The following RPS6KB1 variants were observed in gnomAD, a reference collection of about 807,000 sequenced individuals.
RPS6KB1 encodes the protein ribosomal protein S6 kinase B1, also known as ribosomal protein S6 kinase beta-1.
A neutral mutation model predicts 70.2 loss-of-function variants in RPS6KB1; 12 were observed. The ratio of observed to expected loss-of-function variants is 0.17; its 90% CI spans 0.11 to 0.28. RPS6KB1 has a LOEUF of 0.28. RPS6KB1 is among the 10% of genes least tolerant of loss of function. The pLI, the probability that RPS6KB1 is intolerant of heterozygous loss-of-function variation, is 1.00. For synonymous variants in RPS6KB1, 175 were observed against 211.2 expected, an observed-to-expected ratio of 0.83 and a Z score of 1.49; for missense variants, 270 against 646.6, an observed-to-expected ratio of 0.42 and a Z score of 6.32.
rs991204017 is a variant in RPS6KB1, at chr17:59,893,364, C to A, written c.141+39C>A. ...TCCCCGGGGGCCCGAGGTGACAGGG[C>A]CGGGGCGGCGGCGCGGGCTCAGGAA... On this transcript the variant is annotated intron_variant, in intron 1 of 14. Coordinates refer to ENST00000225577, the MANE Select transcript of RPS6KB1 (RefSeq NM_003161.4). The surrounding 1 kb of genome is among the most constrained non-coding windows in gnomAD (Gnocchi z 4.1). The A allele has an allele frequency of 4.5e-6, 7 of 1,566,288 alleles. No individual in the cohort carries two copies. Among genetic ancestry groups the A allele is most frequent in the African/African-American group, 1.4e-5 (1 of 73,776 alleles).
chr17:59,915,059 G>T (rs2042862611), intron 4 of RPS6KB1, among the ~76,000 whole-genome samples: 1 of 151,832 alleles, frequency 6.6e-6, no homozygotes, highest in Admixed American at 6.6e-5. Context: ...TGCGATGTCG[G>T]CTCACTGCAA....
chr17:59,910,206 A>AG (rs917335076), intron 1 of RPS6KB1, among the ~76,000 whole-genome samples: 1 of 151,790 alleles, frequency 6.6e-6, no homozygotes, highest in African/African-American at 2.4e-5. Context: ...AAAAAAAAAA[A>AG]AAACCCGGGT....
chr17:59,894,419 T>G (rs545892635), intron 1 of RPS6KB1, among the ~76,000 whole-genome samples: 12 of 152,286 alleles, frequency 7.9e-5, no homozygotes, highest in Admixed American at 7.2e-4. Flanking sequence ...TCTAGTTGAA[T>G]ACATGGGTTA....
At chr17:59,943,609 T>C (rs1332526149) in intron 13 of RPS6KB1, among the ~76,000 whole-genome samples, 1 of 152,056 alleles carries the variant, frequency 6.6e-6, no homozygotes, top group East Asian at 1.9e-4. Flanking sequence ...TCAGGTGCAG[T>C]GGCTCACGCC....
intron 13 of RPS6KB1, 51 bp from the exon 14 acceptor site, chr17:59,945,355 T>G: frequency 1.7e-3 from 1,619 of 926,330 alleles, no homozygotes; most frequent in Non-Finnish European, 2.6e-3. Flanking sequence ...CCCATTCTCT[T>G]GAGATACATG....
At chr17:59,939,193 G>GT (rs939771754) in intron 12 of RPS6KB1, among the ~76,000 whole-genome samples, 1 of 151,892 alleles carries the variant, frequency 6.6e-6, no homozygotes, top group Non-Finnish European at 1.5e-5. Context: ...GTGTGTGTGT[G>GT]TTTTTTTCTT....
In RPS6KB1 at chr17:59,934,565, G is replaced by C. The variant is rs1426249687; in HGVS notation, c.870+41G>C. 2 of 1,461,484 alleles carry C rather than the reference G, an allele frequency of 1.4e-6. No individual in the cohort carries two copies. Among genetic ancestry groups the C allele is most frequent in the African/African-American group, 2.8e-5 (2 of 71,944 alleles). 90.5% of individuals were successfully genotyped at this position (1,461,484 alleles called of 1,614,324 possible). The stretch of plus-strand genomic sequence containing the variant: ...AAAGCTGCATGTATTATTGGTCTGT[G>C]CTGAGTCACTATAGCAAGAGACCTG... On this transcript the variant is annotated intron_variant, in intron 9 of 14. Coordinates refer to ENST00000225577, the MANE Select transcript of RPS6KB1 (RefSeq NM_003161.4). This position sits in a 1 kb window ranked among gnomAD's most constrained non-coding sequence, Gnocchi z 4.8.
At chr17:59,945,837 A>AG (rs2044893557) in intron 14 of RPS6KB1, among the ~76,000 whole-genome samples, 1 of 152,224 alleles carries the variant, frequency 6.6e-6, no homozygotes, top group African/African-American at 2.4e-5. Flanking sequence ...TAGTACTATA[A>AG]TACAGGAATT....
At chr17:59,939,614 G>A (rs537572531) in intron 12 of RPS6KB1, among the ~76,000 whole-genome samples, 7 of 152,284 alleles carry the variant, frequency 4.6e-5, no homozygotes, top group African/African-American at 1.4e-4. Context: ...TTTTCCCTTC[G>A]TTGAATGCTG....
chr17:59,920,560 A>T (rs944594286), intron 4 of RPS6KB1, among the ~76,000 whole-genome samples: 1 of 152,210 alleles, frequency 6.6e-6, no homozygotes, highest in Non-Finnish European at 1.5e-5. Flanking sequence ...CAGTGGGTTG[A>T]CATTGATATC....
chr17:59,919,455 CAAAT>C (rs2043146542), intron 4 of RPS6KB1, among the ~76,000 whole-genome samples: 1 of 152,156 alleles, frequency 6.6e-6, no homozygotes. Flanking sequence ...GACTCCATCT[CAAAT>C]AAATAAATAA....
intron 4 of RPS6KB1, among the ~76,000 whole-genome samples, chr17:59,922,462 G>C (rs191634281): frequency 3.3e-5 from 5 of 149,888 alleles, no homozygotes; most frequent in Admixed American, 3.3e-4. Flanking sequence ...AAATATTACT[G>C]TACTGTAGTG....
chr17:59,947,864 CTCTTT>C lies in RPS6KB1; in HGVS notation c.*1077_*1081del, dbSNP rs2045019514. On this transcript the variant is annotated 3_prime_UTR_variant, in exon 15 of 15. Transcript: ENST00000225577. ...TGCTGTGGCCCACTCTCTGTCTAATCTCTTTACAGCAAATTGGTAAGATTTTCAGT... is the reference window on the plus strand; with the variant it reads ...TGCTGTGGCCCACTCTCTGTCTAATCACAGCAAATTGGTAAGATTTTCAGT... The C allele has an allele frequency of 5.1e-6, 2 of 393,836 alleles. No individual in the cohort carries two copies. The highest frequency in any genetic ancestry group is 4.5e-5 in the Admixed American group (1 of 22,198). 24.4% of individuals were successfully genotyped at this position (393,836 alleles called of 1,614,324 possible).
At chr17:59,903,585 T>G (rs968191505) in intron 1 of RPS6KB1, among the ~76,000 whole-genome samples, 1 of 152,168 alleles carries the variant, frequency 6.6e-6, no homozygotes, top group African/African-American at 2.4e-5. Context: ...ATTTGCTGGG[T>G]CATGCAGTAG....
intron 1 of RPS6KB1, among the ~76,000 whole-genome samples, chr17:59,894,580 T>TA (rs1488489277): frequency 6.6e-6 from 1 of 152,222 alleles, no homozygotes; most frequent in African/African-American, 2.4e-5. Flanking sequence ...CTAAGTGGCC[T>TA]AAAATAATAC....
chr17:59,899,207 A>G (rs1487613169), intron 1 of RPS6KB1, among the ~76,000 whole-genome samples: 8 of 143,210 alleles, frequency 5.6e-5, no homozygotes, highest in Non-Finnish European at 4.6e-5. Flanking sequence ...TTCGTCTCAG[A>G]AAAAAAAAAA....
chr17:59,898,363 C>G (rs2041694166), intron 1 of RPS6KB1, among the ~76,000 whole-genome samples: 1 of 152,026 alleles, frequency 6.6e-6, no homozygotes, highest in African/African-American at 2.4e-5. Context: ...AGTATATACT[C>G]AAATATTCAT....
At chr17:59,910,283 A>T (rs1323270606) in intron 1 of RPS6KB1, among the ~76,000 whole-genome samples, 2 of 151,932 alleles carry the variant, frequency 1.3e-5, no homozygotes, top group Non-Finnish European at 2.9e-5. Context: ...AGGCTCTGGT[A>T]TGCTATGATC....
At chr17:59,900,205 CACACACACACACACACACACACA>C in intron 1 of RPS6KB1, among the ~76,000 whole-genome samples, 1 of 150,484 alleles carries the variant, frequency 6.6e-6, no homozygotes, top group Non-Finnish European at 1.5e-5. Context: ...CACACACACA[CACACACACACACACACACACACA>C]CACCCCTATG....
Sources: allele counts gnomAD v4.1 joint callset (sites outside exome capture counted in the v4.1 genomes callset), GRCh38; gene constraint gnomAD v4.1.1; non-coding constraint Gnocchi (gnomAD v3.1); transcripts MANE v1.5; gene names NCBI Gene and HGNC (gene_info 2026-07-23, HGNC 2026-07-21).